The following ATRNL1 variants were observed in gnomAD, a reference collection of about 807,000 sequenced individuals.
The protein encoded by ATRNL1 is attractin like 1, also known as attractin-like protein 1.
A neutral mutation model predicts 182.7 loss-of-function variants in ATRNL1; 95 were observed. That is an observed-to-expected ratio of 0.52 (90% CI 0.44 to 0.62). The LOEUF (loss-of-function observed/expected upper bound fraction) is 0.62, where lower values mean the gene tolerates loss of function less well. Among genes scored for constraint, ATRNL1 ranks in the 20% least tolerant of loss-of-function variants. The pLI is 0.00. For missense variants in ATRNL1, 1,471 were observed against 1,679.5 expected, an observed-to-expected ratio of 0.88 and a Z score of 2.17; for synonymous variants, 576 against 568.3, an observed-to-expected ratio of 1.01 and a Z score of -0.19.
chr10:115,410,922 G>C (rs1055200054), intron 20 of ATRNL1, among the ~76,000 whole-genome samples: 4 of 151,810 alleles, frequency 2.6e-5, no homozygotes, highest in African/African-American at 9.7e-5. Context: ...ATGTTTAGTA[G>C]AGACAGGGTT....
intron 8 of ATRNL1, among the ~76,000 whole-genome samples, chr10:115,190,398 G>A (rs1226075040): frequency 6.6e-6 from 1 of 151,948 alleles, no homozygotes; most frequent in Non-Finnish European, 1.5e-5. Flanking sequence ...TAGTAGATGT[G>A]CATTCATATT....
chr10:115,612,160 G>T (rs1434676416), intron 26 of ATRNL1, among the ~76,000 whole-genome samples: 1 of 152,038 alleles, frequency 6.6e-6, no homozygotes, highest in East Asian at 1.9e-4. Flanking sequence ...GCTGAGGCAG[G>T]AGAATCGCTT....
At chr10:115,325,023 A>C (rs1053285494) in intron 18 of ATRNL1, among the ~76,000 whole-genome samples, 19 of 152,210 alleles carry the variant, frequency 1.2e-4, no homozygotes, top group African/African-American at 4.6e-4. Flanking sequence ...GTATATTTTT[A>C]AAATTTATTA....
intron 19 of ATRNL1, among the ~76,000 whole-genome samples, chr10:115,355,064 C>T (rs1856442142): frequency 6.6e-6 from 1 of 151,908 alleles, no homozygotes; most frequent in Non-Finnish European, 1.5e-5. Context: ...TGAAATGCAT[C>T]ATGTTTTCTC....
chr10:115,354,154 CACT>C (rs1856396644), intron 19 of ATRNL1, among the ~76,000 whole-genome samples: 1 of 151,720 alleles, frequency 6.6e-6, no homozygotes, highest in Non-Finnish European at 1.5e-5. Context: ...TTAGCTCATC[CACT>C]ATCATTAGTG....
At chr10:115,712,605 G>A (rs1243998893) in intron 26 of ATRNL1, among the ~76,000 whole-genome samples, 1 of 152,086 alleles carries the variant, frequency 6.6e-6, no homozygotes, top group Non-Finnish European at 1.5e-5. Flanking sequence ...AGTGGCTCAT[G>A]CCTGTAATCC....
chr10:115,937,474 A>G (rs1390615553), intron 28 of ATRNL1, among the ~76,000 whole-genome samples: 1 of 152,246 alleles, frequency 6.6e-6, no homozygotes, highest in African/African-American at 2.4e-5. Context: ...GTTTTGCCTA[A>G]TAATGACTTC....
chr10:115,469,353 C>T, intron 24 of ATRNL1, 24 bp downstream of exon 24: 1 of 1,436,064 alleles, frequency 7.0e-7, no homozygotes, highest in Non-Finnish European at 9.3e-7. Flanking sequence ...GTATTTACTT[C>T]TAATGACCAT....
At position 115,200,049 on chromosome 10, in the gene ATRNL1, A is replaced by G. The variant is rs186260924; in HGVS notation, c.1349-15648A>G. Among the ~76,000 whole-genome samples, 1,025 of 152,194 alleles carry G rather than the reference A, an allele frequency of 6.7e-3. 11 individuals are homozygous for G. Among genetic ancestry groups the G allele is most frequent in the African/African-American group, 0.023 (966 of 41,546 alleles). On this transcript the variant is annotated intron_variant, in intron 8 of 28. Coordinates refer to ENST00000355044, the MANE Select transcript of ATRNL1 (RefSeq NM_207303.4). ...GCAGTGGACCAGAGTATATTTTTCT[A>G]TGTTAGCAAGATGAACTAATCTAGT...
At chr10:115,109,511 C>G (rs535884748) in intron 1 of ATRNL1, among the ~76,000 whole-genome samples, 1 of 152,142 alleles carries the variant, frequency 6.6e-6, no homozygotes, top group Admixed American at 6.5e-5. Flanking sequence ...CCTGCAATAA[C>G]AGCATTAATC....
intron 20 of ATRNL1, among the ~76,000 whole-genome samples, chr10:115,417,031 G>A (rs1469068127): frequency 1.3e-5 from 2 of 152,204 alleles, no homozygotes; most frequent in African/African-American, 4.8e-5. Context: ...AGGAGGGTGT[G>A]AAAGCCCACT....
intron 21 of ATRNL1, among the ~76,000 whole-genome samples, chr10:115,460,945 C>G (rs376988275): frequency 6.6e-6 from 1 of 152,030 alleles, no homozygotes; most frequent in Admixed American, 6.6e-5. Flanking sequence ...GCATAATTCT[C>G]ATTATCAGAT....
chr10:115,094,646 C>A (rs1049650321), intron 1 of ATRNL1, among the ~76,000 whole-genome samples: 1 of 152,158 alleles, frequency 6.6e-6, no homozygotes, highest in Non-Finnish European at 1.5e-5. Flanking sequence ...TACAACAACT[C>A]TGTGAGTTGC....
intron 19 of ATRNL1, among the ~76,000 whole-genome samples, chr10:115,370,658 G>A (rs1554947765): frequency 1.3e-5 from 2 of 152,150 alleles, no homozygotes; most frequent in African/African-American, 4.8e-5. Context: ...AAGTGACTTG[G>A]GTGCTATTAA....
intron 28 of ATRNL1, among the ~76,000 whole-genome samples, chr10:115,849,555 C>A (rs561458863): frequency 6.6e-6 from 1 of 152,280 alleles, no homozygotes; most frequent in East Asian, 1.9e-4. Flanking sequence ...ATTACCTCAG[C>A]TGTGTTTTCT....
intron 1 of ATRNL1, among the ~76,000 whole-genome samples, chr10:115,105,282 T>A (rs142705288): frequency 1.3e-5 from 2 of 152,146 alleles, no homozygotes; most frequent in African/African-American, 4.8e-5. Flanking sequence ...AGCGAGATGA[T>A]TTAAGGTATC....
At chr10:115,321,021 TTTTGAG>T (rs1854556521) in intron 18 of ATRNL1, among the ~76,000 whole-genome samples, 1 of 152,140 alleles carries the variant, frequency 6.6e-6, no homozygotes, top group African/African-American at 2.4e-5. Context: ...GTTTGTCTAG[TTTTGAG>T]TTTGAGTTTC....
At chr10:115,326,382 T>G (rs1554933228) in intron 18 of ATRNL1, among the ~76,000 whole-genome samples, 1 of 152,072 alleles carries the variant, frequency 6.6e-6, no homozygotes, top group Non-Finnish European at 1.5e-5. Context: ...TAAAGGGACA[T>G]GAAGGAACTC....
chr10:115,108,073 C>T (rs1844096036), intron 1 of ATRNL1, among the ~76,000 whole-genome samples: 1 of 152,184 alleles, frequency 6.6e-6, no homozygotes, highest in Non-Finnish European at 1.5e-5. Flanking sequence ...TCCTTGGCCA[C>T]ACCCTTGCAT....
Sources: allele counts gnomAD v4.1 joint callset (sites outside exome capture counted in the v4.1 genomes callset), GRCh38; gene constraint gnomAD v4.1.1; transcripts MANE v1.5; gene names NCBI Gene and HGNC (gene_info 2026-07-23, HGNC 2026-07-21).